FMN2: variants seen among roughly 807,000 people sequenced by gnomAD.
The protein encoded by FMN2 is formin-2.
FMN2 carries 51 observed loss-of-function variants against 142.3 expected under a neutral mutation model. The ratio of observed to expected loss-of-function variants is 0.36; its 90% CI spans 0.29 to 0.45. The LOEUF is 0.45. FMN2 is among the 20% of genes least tolerant of loss of function. FMN2 has a pLI of 1.00. For missense variants in FMN2, 1,936 were observed against 2,122.8 expected (o/e 0.91, Z 1.73); for synonymous variants, 882 against 869.8 (o/e 1.01, Z -0.25).
At chr1:240,444,572 T>C (rs1458500340) in intron 16 of FMN2, among the ~76,000 whole-genome samples, 1 of 152,220 alleles carries the variant, frequency 6.6e-6, no homozygotes, top group Admixed American at 6.5e-5. Context: ...CAGGTAGTCT[T>C]TGATGATCCA....
chr1:240,355,951 C>CA lies in FMN2; in HGVS notation c.4858+78dup, dbSNP rs58002724. 2.8e-3 allele frequency: 713 copies of CA among 252,720 alleles called. 98 individuals carry two copies. Among genetic ancestry groups the CA allele is most frequent in the African/African-American group, 3.7e-3 (95 of 25,936 alleles). The allele number at this position is 252,720 out of a possible 1,614,324, so 15.7% of individuals were successfully genotyped here. A position where few individuals can be genotyped will look rare whatever the true frequency, so the allele number is the denominator to read the frequency against. On this transcript the variant is annotated intron_variant, in intron 14 of 17. Transcript: ENST00000319653. ...GTGTTATGTTTTTCTCCCCTTTCAG[C>CA]AAAAAAAAAAAAAAAAAAAAAAAAA...
chr1:240,142,996 G>T, intron 2 of FMN2: 3 of 1,549,800 alleles, frequency 1.9e-6, no homozygotes, highest in East Asian at 4.5e-5. Flanking sequence ...AAAGAGAGAG[G>T]CACGGTGAGC....
intron 15 of FMN2, among the ~76,000 whole-genome samples, chr1:240,406,406 G>A (rs1013167637): frequency 2.0e-5 from 3 of 152,052 alleles, no homozygotes; most frequent in African/African-American, 7.3e-5. Context: ...TCAGATGCAA[G>A]CACAGAATCT....
At chr1:240,429,804 C>T (rs1420304889) in intron 15 of FMN2, among the ~76,000 whole-genome samples, 1 of 151,890 alleles carries the variant, frequency 6.6e-6, no homozygotes, top group African/African-American at 2.4e-5. Context: ...ATCCATTCCC[C>T]TGTTCATGGA....
chr1:240,471,424 C>G (rs1014507156), intron 16 of FMN2, among the ~76,000 whole-genome samples: 1 of 150,792 alleles, frequency 6.6e-6, no homozygotes, highest in African/African-American at 2.4e-5. Flanking sequence ...TGCAGTGGCA[C>G]AAGTGCAGTG....
At chr1:240,438,508 A>G (rs1322946524) in intron 16 of FMN2, among the ~76,000 whole-genome samples, 1 of 152,216 alleles carries the variant, frequency 6.6e-6, no homozygotes, top group Non-Finnish European at 1.5e-5. Flanking sequence ...GAAGGCTGGA[A>G]CAACCCTGCT....
At chr1:240,237,046 G>A (rs1667734502) in intron 6 of FMN2, among the ~76,000 whole-genome samples, 1 of 152,190 alleles carries the variant, frequency 6.6e-6, no homozygotes, top group Non-Finnish European at 1.5e-5. Flanking sequence ...GGACAGGAAG[G>A]ATGTGAGTTT....
chr1:240,215,737 C>T (rs1447902400), intron 6 of FMN2, among the ~76,000 whole-genome samples: 1 of 151,898 alleles, frequency 6.6e-6, no homozygotes. Flanking sequence ...TAAATGGAGT[C>T]TCACTCTGTT....
rs562628216 is a variant in FMN2 at position 240,308,342 on chromosome 1, AC to A, written c.4215+13460del. The stretch of plus-strand genomic sequence containing the variant: ...ACTTGTAGAACTTTGTAAGACTTGA[AC>A]TTTTTCTCTGAGTAAAATGGGAAGT... On this transcript the variant is annotated intron_variant, in intron 8 of 17. Transcript: ENST00000319653. Among the ~76,000 whole-genome samples, 359 of 152,294 alleles carry A rather than the reference AC, an allele frequency of 2.4e-3. 1 individual carries two copies. The highest frequency in any genetic ancestry group is 3.9e-3 in the Non-Finnish European group (263 of 68,018).
chr1:240,449,709 C>T (rs1286593681), intron 16 of FMN2, among the ~76,000 whole-genome samples: 1 of 152,108 alleles, frequency 6.6e-6, no homozygotes, highest in Non-Finnish European at 1.5e-5. Context: ...ATTTGTTCCT[C>T]CTTAAAGGGA....
chr1:240,224,698 G>A (rs187565833), intron 6 of FMN2, among the ~76,000 whole-genome samples: 12 of 152,100 alleles, frequency 7.9e-5, no homozygotes, highest in East Asian at 1.9e-4. Context: ...GCTGCTCGCC[G>A]CACAGAAAGC....
At chr1:240,147,401 T>A (rs576235689) in intron 2 of FMN2, among the ~76,000 whole-genome samples, 2 of 152,316 alleles carry the variant, frequency 1.3e-5, no homozygotes, top group East Asian at 3.9e-4. Flanking sequence ...CTAAGCCGCC[T>A]TAGTGTTGAG....
chr1:240,204,478 C>T (rs374947330), intron 4 of FMN2, among the ~76,000 whole-genome samples: 11 of 151,866 alleles, frequency 7.2e-5, no homozygotes, highest in African/African-American at 1.2e-4. Context: ...AGACCATGTG[C>T]GGTGGCTCAC....
intron 15 of FMN2, among the ~76,000 whole-genome samples, chr1:240,430,827 A>G (rs943542805): frequency 2.6e-5 from 4 of 151,990 alleles, no homozygotes; most frequent in Non-Finnish European, 2.9e-5. Context: ...TTATACCAAT[A>G]CCATACTCTA....
chr1:240,329,240 T>A lies in FMN2; in HGVS notation c.4307+73T>A. ...GCCCGTTTTGTTTGGAAAATGCAAA[T>A]GCGGTGTCTTCAGTGCATACTTGTT... is the stretch of plus-strand genomic sequence containing the variant. On this transcript the variant is annotated intron_variant, in intron 9 of 17. Coordinates refer to ENST00000319653, the MANE Select transcript of FMN2 (RefSeq NM_020066.5). 15 of 1,600,520 alleles carry A rather than the reference T, an allele frequency of 9.4e-6. 1 individual carries two copies. In the South Asian group the frequency reaches 1.3e-4, roughly 14 times the overall value.
intron 4 of FMN2, among the ~76,000 whole-genome samples, chr1:240,206,090 G>C (rs971504231): frequency 1.3e-5 from 2 of 151,814 alleles, no homozygotes; most frequent in Non-Finnish European, 2.9e-5. Flanking sequence ...TTTTAGGAGA[G>C]ATGCAGTCTT....
At position 240,362,731 on chromosome 1, in the gene FMN2, G is replaced by C. The variant is rs933491395; in HGVS notation, c.4858+6823G>C. Among the ~76,000 whole-genome samples, 7 of 152,248 alleles carry C rather than the reference G, an allele frequency of 4.6e-5. No homozygotes were observed. In the South Asian group the frequency reaches 1.5e-3, roughly 32 times the overall value. ...AGTCATATGGTACATTTTGATAAGTGTGTATTTTAAAACTTAAGCTCAACT... is the reference window on the plus strand; with the variant it reads ...AGTCATATGGTACATTTTGATAAGTCTGTATTTTAAAACTTAAGCTCAACT... On this transcript the variant is annotated intron_variant, in intron 14 of 17. Transcript: ENST00000319653.
At chr1:240,293,653 A>T (rs1046169801) in intron 7 of FMN2, among the ~76,000 whole-genome samples, 2 of 152,128 alleles carry the variant, frequency 1.3e-5, no homozygotes, top group African/African-American at 4.8e-5. Flanking sequence ...AATGAATAAG[A>T]TTTGTCTGAG....
At position 240,329,161 on chromosome 1, in the gene FMN2, C is replaced by T; in HGVS notation, c.4301C>T (p.Pro1434Leu). Residue 1434 changes from proline to leucine, a missense_variant, in exon 9 of 18, where the codon CCT becomes CTT. Pro to Leu is a moderately conservative substitution (Grantham distance 98). This residue lies in a region of FMN2 where 322 missense variants were observed against 401.6 expected (regional missense o/e 0.80). Coordinates refer to ENST00000319653, the MANE Select transcript of FMN2 (RefSeq NM_020066.5). ...GAAAATGCCAAGTCTCTGGACAAAC[C>T]TGAACAGTAAGCATGTCTTATAACC... Reference protein sequence around the residue: ...DKENAKSLDKPEQFLYELSLI... With the variant: ...DKENAKSLDKLEQFLYELSLI... 6.2e-7 allele frequency: 1 copy of T among 1,614,072 alleles called. No individual in the cohort carries two copies. Among genetic ancestry groups the T allele is most frequent in the Non-Finnish European group, 8.5e-7 (1 of 1,179,978 alleles).
Sources: gnomAD v4.1 joint callset for allele counts (sites outside exome capture counted in the v4.1 genomes callset) on GRCh38, gnomAD v4.1.1 for gene constraint, gnomAD v4.1.1 regional missense constraint, MANE v1.5 for transcripts, NCBI Gene and HGNC (gene_info 2026-07-23, HGNC 2026-07-21) for gene names.